RREB1: variants seen among roughly 807,000 people sequenced by gnomAD.
RREB1 encodes the protein ras-responsive element-binding protein 1.
RREB1 carries 27 observed loss-of-function variants against 117.8 expected under a neutral mutation model. The ratio of observed to expected loss-of-function variants is 0.23; its 90% CI spans 0.17 to 0.32. The LOEUF is 0.32. Among genes scored for constraint, RREB1 ranks in the 10% least tolerant of loss-of-function variants. RREB1 has a pLI of 1.00. For missense variants in RREB1, 2,577 were observed against 2,378.2 expected, an observed-to-expected ratio of 1.08 and a Z score of -1.74; for synonymous variants, 1,298 against 1,026.7, an observed-to-expected ratio of 1.26 and a Z score of -5.05.
intron 1 of RREB1, among the ~76,000 whole-genome samples, chr6:7,169,491 C>CT (rs1764110777): frequency 1.3e-5 from 2 of 152,292 alleles, no homozygotes; most frequent in African/African-American, 4.8e-5. Flanking sequence ...AAAAGTCTGG[C>CT]TTTTTTGGGG....
At chr6:7,131,778 A>G (rs1009595292) in intron 1 of RREB1, among the ~76,000 whole-genome samples, 3 of 152,022 alleles carry the variant, frequency 2.0e-5, no homozygotes, top group South Asian at 2.1e-4. Context: ...GATGGCTTCT[A>G]TTGGATTTGT....
In RREB1 at chr6:7,247,018, C is replaced by T. The variant is rs35212112; in HGVS notation, c.4568C>T (p.Ala1523Val). 3.7e-6 allele frequency: 6 copies of T among 1,610,692 alleles called. No homozygotes were observed. The Admixed American group carries it at 6.7e-5, about 18-fold the overall frequency. The change falls in exon 12 of 13, where the codon GCG (alanine) becomes GTG (valine). Residue 1523 changes from alanine (A) to valine (V), a missense_variant. Coordinates refer to ENST00000379938, the MANE Select transcript of RREB1 (RefSeq NM_001003699.4). Reference sequence around the variant, plus strand: ...GGGGAGGCCCCGGCGGAAAAGCTCGCGGAGGAGACGGAGGGCCCCTCCGAC... The same window carrying T: ...GGGGAGGCCCCGGCGGAAAAGCTCGTGGAGGAGACGGAGGGCCCCTCCGAC... Reference protein sequence around the residue: ...GAGEAPAEKLAEETEGPSDGE... With the variant: ...GAGEAPAEKLVEETEGPSDGE...
chr6:7,113,851 TG>T (rs1188395866), intron 1 of RREB1, among the ~76,000 whole-genome samples: 1 of 152,218 alleles, frequency 6.6e-6, no homozygotes, highest in African/African-American at 2.4e-5. Context: ...TGTGATGACA[TG>T]TATCTTTTTA....
At chr6:7,241,844 T>C (rs1417863335) in intron 11 of RREB1, among the ~76,000 whole-genome samples, 1 of 152,236 alleles carries the variant, frequency 6.6e-6, no homozygotes, top group Non-Finnish European at 1.5e-5. Flanking sequence ...CAGCTTCCAC[T>C]TCCACATAAC....
intron 1 of RREB1, among the ~76,000 whole-genome samples, chr6:7,143,778 T>C (rs1006002730): frequency 1.7e-4 from 26 of 152,114 alleles, no homozygotes; most frequent in African/African-American, 6.0e-4. Context: ...TGAGCACAAC[T>C]GTTAGATACA....
chr6:7,117,495 C>T (rs1482051536), intron 1 of RREB1, among the ~76,000 whole-genome samples: 1 of 146,878 alleles, frequency 6.8e-6, no homozygotes, highest in Non-Finnish European at 1.5e-5. Flanking sequence ...ACTGCAACCT[C>T]CGCCTCCCAG....
chr6:7,230,542 C>T lies in RREB1; in HGVS notation c.2443C>T (p.His815Tyr). The change falls in exon 10 of 13, where the codon CAC becomes TAC. Residue 815 changes from histidine to tyrosine, a missense_variant. By Grantham distance (83) the His-to-Tyr change is moderately conservative. Transcript: ENST00000379938. ...CIHHILKQHL[H>Y]VPEQDIESYV... The stretch of plus-strand genomic sequence containing the variant: ...CCACCACATCCTCAAGCAGCACCTG[C>T]ACGTGCCCGAGCAGGACATCGAGAG... The T allele has an allele frequency of 6.3e-7, 1 of 1,597,622 alleles. No individual in the cohort carries two copies. The highest frequency in any genetic ancestry group is 8.5e-7 in the Non-Finnish European group (1 of 1,176,322).
chr6:7,188,957 TG>T (rs1765251666), intron 5 of RREB1, among the ~76,000 whole-genome samples: 2 of 152,214 alleles, frequency 1.3e-5, no homozygotes, highest in Admixed American at 6.5e-5. Context: ...AATGTGGGAA[TG>T]GAGGAATATC....
chr6:7,155,435 C>T (rs557363506), intron 1 of RREB1, among the ~76,000 whole-genome samples: 2 of 152,290 alleles, frequency 1.3e-5, no homozygotes, highest in African/African-American at 2.4e-5. Context: ...CTCAGCCTCC[C>T]GAGTGGCTGG....
intron 11 of RREB1, among the ~76,000 whole-genome samples, chr6:7,241,822 T>C (rs1164395337): frequency 1.3e-5 from 2 of 152,210 alleles, no homozygotes; most frequent in African/African-American, 4.8e-5. Flanking sequence ...GCTGGTTTGT[T>C]CACTGCTTCC....
Position 7,230,399 on chromosome 6 carries a change from C to A in RREB1, c.2300C>A (p.Ala767Asp). The A allele has an allele frequency of 6.3e-7, 1 of 1,592,016 alleles. No homozygotes were observed. Among genetic ancestry groups the A allele is most frequent in the Non-Finnish European group, 8.5e-7 (1 of 1,174,436 alleles). The change falls in exon 10 of 13, where the codon GCC becomes GAC. Residue 767 changes from alanine to aspartate, a missense_variant. By Grantham distance (126) the Ala-to-Asp change is moderately radical (BLOSUM62 -2). Coordinates refer to ENST00000379938, the MANE Select transcript of RREB1 (RefSeq NM_001003699.4). ...GGCGAGGACCTCAAGCACTATCGTGCCCTGCGCATCCACATGCGCACGCAC... is the reference window on the plus strand; with the variant it reads ...GGCGAGGACCTCAAGCACTATCGTGACCTGCGCATCCACATGCGCACGCAC... ...LCGEDLKHYR[A>D]LRIHMRTHCG...
chr6:7,109,417 G>A (rs1044179116), intron 1 of RREB1, among the ~76,000 whole-genome samples: 1 of 152,134 alleles, frequency 6.6e-6, no homozygotes, highest in African/African-American at 2.4e-5. Flanking sequence ...TTTCTGGACC[G>A]GGCCAAGGGC....
intron 8 of RREB1, among the ~76,000 whole-genome samples, chr6:7,224,374 A>G (rs907964115): frequency 5.3e-5 from 8 of 152,208 alleles, no homozygotes; most frequent in African/African-American, 1.9e-4. Flanking sequence ...GAATATATCA[A>G]ATATCTCTGA....
rs938426649 is a variant in RREB1, at chr6:7,230,238, C to T, written c.2139C>T (p.Asn713=). Residue 713 remains asparagine, a synonymous_variant, in exon 10 of 13, where the codon AAC becomes AAT. Transcript: ENST00000379938. The stretch of plus-strand genomic sequence containing the variant: ...ACTACCCCTTCACTGTCAAAGCCAA[C>T]TGCGAGCGGCACCTGCGCAAGAAGC... ...ICHYPFTVKA[N]CERHLRKKHL... 6 of 1,603,156 alleles carry T rather than the reference C, an allele frequency of 3.7e-6. No homozygotes were observed. Among genetic ancestry groups the T allele is most frequent in the Non-Finnish European group, 5.1e-6 (6 of 1,179,850 alleles).
Position 7,246,677 on chromosome 6 carries a change from C to T in RREB1, c.4227C>T (p.Asp1409=), listed in dbSNP as rs1454479025. The T allele has an allele frequency of 1.3e-6, 2 of 1,582,394 alleles. No individual in the cohort carries two copies. The highest frequency in any genetic ancestry group is 1.8e-5 in the Admixed American group (1 of 55,728). Residue 1409 remains aspartate (D), a synonymous_variant, in exon 12 of 13, where the codon GAC becomes GAT. Coordinates refer to ENST00000379938, the MANE Select transcript of RREB1 (RefSeq NM_001003699.4). Reference sequence around the variant, plus strand: ...GGGACGCCGACGGCGCGGAAGAGGACGCGTCGAGCAACCAGAGCCTGGACC... The same window carrying T: ...GGGACGCCGACGGCGCGGAAGAGGATGCGTCGAGCAACCAGAGCCTGGACC... ...STGDADGAEE[D]ASSNQSLDLD... is the part of the protein sequence containing the mutation.
chr6:7,162,981 C>G (rs1051534661), intron 1 of RREB1, among the ~76,000 whole-genome samples: 2 of 152,084 alleles, frequency 1.3e-5, no homozygotes, highest in African/African-American at 4.8e-5. Context: ...TCCTGAGTAG[C>G]TGGGACTACA....
At chr6:7,238,527 G>A (rs1053120793) in intron 10 of RREB1, among the ~76,000 whole-genome samples, 3 of 152,102 alleles carry the variant, frequency 2.0e-5, no homozygotes, top group African/African-American at 4.8e-5. Context: ...GTGAGCCACC[G>A]CACATGACCA....
chr6:7,112,138 T>A (rs1423113326), intron 1 of RREB1, among the ~76,000 whole-genome samples: 1 of 152,218 alleles, frequency 6.6e-6, no homozygotes, highest in East Asian at 1.9e-4. Flanking sequence ...TTTTTAAAAA[T>A]AATTATATTA....
intron 1 of RREB1, among the ~76,000 whole-genome samples, chr6:7,120,883 G>A (rs1225578899): frequency 2.7e-5 from 4 of 146,440 alleles, no homozygotes; most frequent in East Asian, 2.0e-4. Flanking sequence ...GCTGTGGCAC[G>A]ATATTGGCTC....
Sources: gnomAD v4.1 joint callset for allele counts (sites outside exome capture counted in the v4.1 genomes callset) on GRCh38, gnomAD v4.1.1 for gene constraint, MANE v1.5 for transcripts, NCBI Gene and HGNC (gene_info 2026-07-23, HGNC 2026-07-21) for gene names.